DISC1: variants seen among roughly 807,000 people sequenced by gnomAD.
The protein encoded by DISC1 is DISC1 scaffold protein.
DISC1 carries 57 observed loss-of-function variants against 84.5 expected under a neutral mutation model. That is an observed-to-expected ratio of 0.67 (90% CI 0.55 to 0.84). The LOEUF is 0.84. DISC1 is among the 40% of genes least tolerant of loss of function. The probability of loss-of-function intolerance (pLI) is 0.00; values close to 1 mark genes in which losing one functional copy is unlikely to be tolerated. For synonymous variants in DISC1, 411 were observed against 415.2 expected (o/e 0.99, Z 0.12); for missense variants, 1,000 against 1,057.8 (o/e 0.95, Z 0.76).
intron 9 of DISC1, among the ~76,000 whole-genome samples, chr1:231,875,689 C>T (rs766686080): frequency 2.6e-5 from 4 of 152,176 alleles, no homozygotes; most frequent in Non-Finnish European, 5.9e-5. Context: ...TTACCAAGTA[C>T]AAGGCTCCAT....
At chr1:231,828,217 G>A (rs201356840) in intron 9 of DISC1, among the ~76,000 whole-genome samples, 4 of 152,100 alleles carry the variant, frequency 2.6e-5, no homozygotes, top group Admixed American at 6.5e-5. Flanking sequence ...TATTACGATT[G>A]CATGGTCTGT....
intron 9 of DISC1, among the ~76,000 whole-genome samples, chr1:231,889,026 T>C (rs1056343437): frequency 6.6e-6 from 1 of 152,150 alleles, no homozygotes; most frequent in Non-Finnish European, 1.5e-5. Flanking sequence ...CCACCTTGGC[T>C]CCTGGGGGCA....
intron 9 of DISC1, among the ~76,000 whole-genome samples, chr1:231,840,061 A>G (rs897801563): frequency 3.3e-5 from 5 of 152,198 alleles, no homozygotes; most frequent in Non-Finnish European, 7.4e-5. Flanking sequence ...ACAGTCTCAT[A>G]TAAATGTTCT....
At position 232,036,956 on chromosome 1, in the gene DISC1, A is replaced by G. The variant is rs1207893282; in HGVS notation, c.*125A>G. ...GAGATACAGAGCCTTGAGGTCTTTC[A>G]GTGGAAAGGTGGTTCATGTTCATTC... On this transcript the variant is annotated 3_prime_UTR_variant, in exon 13 of 13. Transcript: ENST00000439617. 8 of 1,088,146 alleles carry G rather than the reference A, an allele frequency of 7.4e-6. No homozygotes were observed. Among genetic ancestry groups the G allele is most frequent in the Middle Eastern group, 2.9e-4 (1 of 3,484 alleles). The allele number at this position is 1,088,146 out of a possible 1,614,324, so 67.4% of individuals were successfully genotyped here.
intron 1 of DISC1, among the ~76,000 whole-genome samples, chr1:231,631,517 G>A (rs2058707974): frequency 6.6e-6 from 1 of 152,176 alleles, no homozygotes; most frequent in South Asian, 2.1e-4. Flanking sequence ...ACGGGACAAG[G>A]TGTGGAGGTG....
At position 231,665,579 on chromosome 1, in the gene DISC1, C is replaced by T. The variant is rs527658559; in HGVS notation, c.68-28247C>T. Among the ~76,000 whole-genome samples the T allele has an allele frequency of 1.9e-4, 29 of 152,240 alleles. No individual in the cohort carries two copies. The South Asian group carries it at 4.6e-3, about 24-fold the overall frequency. On this transcript the variant is annotated intron_variant, in intron 1 of 12. Coordinates refer to ENST00000439617, the MANE Select transcript of DISC1 (RefSeq NM_018662.3). ...AGTAGTGTAAATACATTTTCTCTTC[C>T]TTATGATTTTCTTAATATTTTCTTT... is the stretch of plus-strand genomic sequence containing the variant.
intron 10 of DISC1, among the ~76,000 whole-genome samples, chr1:231,966,257 GA>G (rs765745133): frequency 6.9e-6 from 1 of 145,202 alleles, no homozygotes; most frequent in Non-Finnish European, 1.5e-5. Flanking sequence ...TAATAGAATA[GA>G]AAAAAACGAC....
chr1:232,025,125 T>A (rs1389010352), intron 11 of DISC1, among the ~76,000 whole-genome samples: 1 of 152,180 alleles, frequency 6.6e-6, no homozygotes, highest in Non-Finnish European at 1.5e-5. Context: ...GACTAACCCA[T>A]GGCCCTTACC....
At chr1:232,032,196 T>C (rs1040537350) in intron 12 of DISC1, among the ~76,000 whole-genome samples, 1 of 152,182 alleles carries the variant, frequency 6.6e-6, no homozygotes, top group Non-Finnish European at 1.5e-5. Flanking sequence ...TTTGGGATGC[T>C]CAACTTGTTC....
At chr1:231,695,934 G>A (rs1042397737) in intron 2 of DISC1, among the ~76,000 whole-genome samples, 6 of 152,178 alleles carry the variant, frequency 3.9e-5, no homozygotes, top group African/African-American at 1.4e-4. Context: ...ATTATGCAGA[G>A]AGGGAGTGAG....
Position 231,694,273 on chromosome 1 carries a change from G to C in DISC1, c.515G>C (p.Arg172Pro). 3 of 1,614,234 alleles carry C rather than the reference G, an allele frequency of 1.9e-6. No individual in the cohort carries two copies. The highest frequency in any genetic ancestry group is 2.5e-6 in the Non-Finnish European group (3 of 1,180,044). ...TGCAGCGATGGAGCAAGGCGTGTCC[G>C]GGCAGCAGGCTCTCTGCCATCAGCA... Reference protein sequence around the residue: ...AACSDGARRVRAAGSLPSAEL... With the variant: ...AACSDGARRVPAAGSLPSAEL... The change falls in exon 2 of 13, where the codon CGG becomes CCG. Residue 172 changes from arginine (R) to proline (P), a missense_variant. Physicochemically the swap from Arg to Pro is moderately radical, Grantham distance 103. Coordinates refer to ENST00000439617, the MANE Select transcript of DISC1 (RefSeq NM_018662.3).
At chr1:231,811,777 C>T (rs190050798) in intron 8 of DISC1, among the ~76,000 whole-genome samples, 8 of 152,132 alleles carry the variant, frequency 5.3e-5, no homozygotes, top group African/African-American at 1.9e-4. Context: ...CACTTATTGA[C>T]ATGAGATCAG....
In DISC1 at chr1:231,690,287, G is replaced by A. The variant is rs117990180; in HGVS notation, c.68-3539G>A. Among the ~76,000 whole-genome samples the A allele has an allele frequency of 9.2e-5, 14 of 152,246 alleles. No individual in the cohort carries two copies. The East Asian group carries it at 2.1e-3, about 23-fold the overall frequency. On this transcript the variant is annotated intron_variant, in intron 1 of 12. Transcript: ENST00000439617. ...CTTCCCTCTAGAATTGATCTGTTGC[G>A]GAACAAGAGTCCTCGAGCAGCAGAG...
At chr1:231,651,632 G>C (rs1043489317) in intron 1 of DISC1, among the ~76,000 whole-genome samples, 1 of 152,230 alleles carries the variant, frequency 6.6e-6, no homozygotes, top group African/African-American at 2.4e-5. Flanking sequence ...CTGTCAGATA[G>C]GGACGTTTAA....
intron 9 of DISC1, among the ~76,000 whole-genome samples, chr1:231,937,336 TAAAAC>T (rs1426366509): frequency 6.6e-6 from 1 of 152,214 alleles, no homozygotes; most frequent in Middle Eastern, 3.2e-3. Context: ...TTTAAATACT[TAAAAC>T]AAATACCAGG....
intron 9 of DISC1, among the ~76,000 whole-genome samples, chr1:231,932,057 A>C (rs1396812152): frequency 6.6e-6 from 1 of 152,292 alleles, no homozygotes; most frequent in East Asian, 1.9e-4. Context: ...CCCAAATTGC[A>C]AGCACAGTCT....
intron 4 of DISC1, among the ~76,000 whole-genome samples, chr1:231,760,739 A>C (rs1472490296): frequency 6.6e-6 from 1 of 152,180 alleles, no homozygotes; most frequent in African/African-American, 2.4e-5. Context: ...TCACAGGTGG[A>C]TTTCCTGGCT....
At chr1:232,002,595 G>GCGCACA (rs750624424) in intron 10 of DISC1, among the ~76,000 whole-genome samples, 1 of 143,626 alleles carries the variant, frequency 7.0e-6, no homozygotes, top group Non-Finnish European at 1.5e-5. Context: ...ATTATGCTGA[G>GCGCACA]CACACACACA....
chr1:232,030,317 G>C (rs1669882841), intron 12 of DISC1, among the ~76,000 whole-genome samples: 1 of 152,178 alleles, frequency 6.6e-6, no homozygotes, highest in African/African-American at 2.4e-5. Flanking sequence ...TCCAAATTAA[G>C]GTGGATTTTT....
Sources: allele counts gnomAD v4.1 joint callset (sites outside exome capture counted in the v4.1 genomes callset), GRCh38; gene constraint gnomAD v4.1.1; transcripts MANE v1.5; gene names NCBI Gene and HGNC (gene_info 2026-07-23, HGNC 2026-07-21).